Variants in DENND2B observed in about 807,000 individuals in gnomAD.
DENND2B encodes the protein DENN domain containing 2B.
A neutral mutation model predicts 116.0 loss-of-function variants in DENND2B; 32 were observed. The observed-to-expected ratio is 0.28, with a 90% CI of 0.21 to 0.37. The LOEUF (loss-of-function observed/expected upper bound fraction) is 0.37, where lower values mean the gene tolerates loss of function less well. DENND2B is among the 10% of genes least tolerant of loss of function. The pLI, the probability that DENND2B is intolerant of heterozygous loss-of-function variation, is 1.00. For synonymous variants in DENND2B, 588 were observed against 583.9 expected (o/e 1.01, Z -0.10); for missense variants, 1,276 against 1,477.7 (o/e 0.86, Z 2.24).
intron 2 of DENND2B, among the ~76,000 whole-genome samples, chr11:8,748,642 G>A (rs2051752655): frequency 6.6e-6 from 1 of 152,184 alleles, no homozygotes; most frequent in African/African-American, 2.4e-5. Flanking sequence ...AGGAAGGAGA[G>A]AAGCGGAAAT....
chr11:8,768,822 G>A (rs1225163552), intron 1 of DENND2B: 1 of 152,436 alleles, frequency 6.6e-6, no homozygotes, highest in Non-Finnish European at 1.5e-5. Context: ...TTGTAATGAG[G>A]TATGACATGT....
chr11:8,856,136 G>A (rs571311382), intron 3 of DENND2B, among the ~76,000 whole-genome samples: 1 of 152,276 alleles, frequency 6.6e-6, no homozygotes, highest in Non-Finnish European at 1.5e-5. Context: ...ACATGAAATA[G>A]AATCAAATGT....
At chr11:8,792,841 C>T (rs2059504922) in intron 1 of DENND2B, among the ~76,000 whole-genome samples, 1 of 152,190 alleles carries the variant, frequency 6.6e-6, no homozygotes, top group South Asian at 2.1e-4. Flanking sequence ...TACACTGATG[C>T]AACCTCTTTG....
At chr11:8,763,466 G>T (rs1289546701) in intron 1 of DENND2B, among the ~76,000 whole-genome samples, 1 of 151,654 alleles carries the variant, frequency 6.6e-6, no homozygotes, top group Non-Finnish European at 1.5e-5. Flanking sequence ...ATTCATAATG[G>T]CTATAAACTA....
chr11:8,823,149 T>G (rs1327431720), intron 4 of DENND2B, among the ~76,000 whole-genome samples: 1 of 152,076 alleles, frequency 6.6e-6, no homozygotes, highest in East Asian at 1.9e-4. Flanking sequence ...TATATTTGTA[T>G]ATAATATATA....
intron 2 of DENND2B, among the ~76,000 whole-genome samples, chr11:8,867,573 C>CT (rs33990941): frequency 0.54 from 48,481 of 89,442 alleles, 16,810 homozygotes; most frequent in East Asian, 0.79. Flanking sequence ...TAAAATTCAG[C>CT]TTTTTTTTTT....
chr11:8,796,045 C>A (rs931350635), intron 1 of DENND2B, among the ~76,000 whole-genome samples: 30 of 152,234 alleles, frequency 2.0e-4, no homozygotes, highest in African/African-American at 7.2e-4. Context: ...CCTCTGTTTT[C>A]TAGCAATCTA....
intron 5 of DENND2B, among the ~76,000 whole-genome samples, chr11:8,717,060 G>A (rs1440107506): frequency 2.0e-5 from 3 of 152,202 alleles, no homozygotes; most frequent in African/African-American, 7.2e-5. Flanking sequence ...CCTTCCATTT[G>A]CAAAGAGAAT....
At position 8,707,407 on chromosome 11, in the gene DENND2B, C is replaced by A; in HGVS notation, c.2431-182G>T. On this transcript the variant is annotated intron_variant, in intron 12 of 19. Coordinates refer to ENST00000313726, the MANE Select transcript of DENND2B (RefSeq NM_213618.2). This position sits in a 1 kb window ranked among gnomAD's most constrained non-coding sequence, Gnocchi z 4.8. ...CCGTTTTCCTTGGCACTCAGTGACTCCTCTGTTCCCTAACTGGCCTTGCTT... is the reference window on the plus strand; with the variant it reads ...CCGTTTTCCTTGGCACTCAGTGACTACTCTGTTCCCTAACTGGCCTTGCTT... 1 of 791,618 alleles carries A rather than the reference C, an allele frequency of 1.3e-6. No individual in the cohort carries two copies. The highest frequency in any genetic ancestry group is 1.9e-6 in the Non-Finnish European group (1 of 517,002). 49.0% of individuals were successfully genotyped at this position (791,618 alleles called of 1,614,324 possible).
chr11:8,718,814 C>A, intron 4 of DENND2B: 1 of 1,001,438 alleles, frequency 1.0e-6, no homozygotes, highest in African/African-American at 1.7e-5. Flanking sequence ...TGTTGAGTGG[C>A]ACTCCTTTCC....
chr11:8,787,163 G>A (rs1033855122), intron 1 of DENND2B: 2 of 152,102 alleles, frequency 1.3e-5, no homozygotes, highest in Non-Finnish European at 2.9e-5. Flanking sequence ...AGTACAGTAG[G>A]GTGTTTTTAT....
chr11:8,829,716 GGGAGA>G (rs1336105952), intron 4 of DENND2B, among the ~76,000 whole-genome samples: 3 of 152,068 alleles, frequency 2.0e-5, no homozygotes, highest in African/African-American at 7.2e-5. Context: ...TGTCTTAGGA[GGGAGA>G]GGCCTATATC....
intron 6 of DENND2B, among the ~76,000 whole-genome samples, chr11:8,715,181 G>T (rs1179567051): frequency 6.6e-6 from 1 of 152,208 alleles, no homozygotes; most frequent in East Asian, 1.9e-4. Context: ...GCTAAATCCT[G>T]CTGCGTTGGG....
At chr11:8,742,441 G>C (rs1214706714) in intron 2 of DENND2B, among the ~76,000 whole-genome samples, 2 of 152,274 alleles carry the variant, frequency 1.3e-5, no homozygotes, top group East Asian at 3.9e-4. Flanking sequence ...GCTGTCAGTA[G>C]GGGCATAAAG....
chr11:8,699,008 G>A lies in DENND2B; in HGVS notation c.2899-34C>T, dbSNP rs745797342. 7 of 1,613,072 alleles carry A rather than the reference G, an allele frequency of 4.3e-6. No homozygotes were observed. In the East Asian group the frequency reaches 1.6e-4, roughly 36 times the overall value. On this transcript the variant is annotated intron_variant, in intron 15 of 19. Transcript: ENST00000313726. The stretch of plus-strand genomic sequence containing the variant: ...AGGAGTCATTAGCAGAGTGGCTCAG[G>A]GCATGAGTCCCGCAATGCCCTCTGC...
intron 1 of DENND2B, among the ~76,000 whole-genome samples, chr11:8,789,832 G>A (rs1371206264): frequency 2.0e-5 from 3 of 152,174 alleles, no homozygotes; most frequent in Non-Finnish European, 4.4e-5. Context: ...GCACATGCCT[G>A]TAGTCCCAGC....
At chr11:8,842,139 C>T (rs1366211236) in intron 3 of DENND2B, among the ~76,000 whole-genome samples, 1 of 152,206 alleles carries the variant, frequency 6.6e-6, no homozygotes, top group Non-Finnish European at 1.5e-5. Flanking sequence ...GTGAACGGCA[C>T]ATAGTAGGTC....
At chr11:8,812,973 G>A (rs1004962309), upstream of DENND2B, among the ~76,000 whole-genome samples, 3 of 152,142 alleles carry the variant, frequency 2.0e-5, no homozygotes, top group East Asian at 1.9e-4. Flanking sequence ...TTATTGACAC[G>A]AGGTCTTATT....
intron 4 of DENND2B, chr11:8,839,223 C>G (rs1175051654): frequency 6.6e-6 from 1 of 152,142 alleles, no homozygotes; most frequent in African/African-American, 2.4e-5. Flanking sequence ...TCAAGGGACC[C>G]GAACAAGGAT....
Sources: allele counts gnomAD v4.1 joint callset (sites outside exome capture counted in the v4.1 genomes callset), GRCh38; gene constraint gnomAD v4.1.1; non-coding constraint Gnocchi (gnomAD v3.1); transcripts MANE v1.5; gene names NCBI Gene and HGNC (gene_info 2026-07-23, HGNC 2026-07-21).